The following CNTNAP2 variants were observed in gnomAD, a reference collection of about 807,000 sequenced individuals.
CNTNAP2 encodes the protein contactin associated protein 2, also known as contactin-associated protein-like 2.
Under a neutral mutation model 155.2 loss-of-function variants are expected in CNTNAP2, and 98 were observed. That is an observed-to-expected ratio of 0.63 (90% CI 0.54 to 0.75). The LOEUF (loss-of-function observed/expected upper bound fraction) is 0.75, where lower values mean the gene tolerates loss of function less well. Ranked by LOEUF, CNTNAP2 falls within the 30% of genes least tolerant of loss-of-function variation. The pLI, the probability that CNTNAP2 is intolerant of heterozygous loss-of-function variation, is 0.00. For synonymous variants in CNTNAP2, 651 were observed against 631.2 expected, an observed-to-expected ratio of 1.03 and a Z score of -0.47; for missense variants, 1,727 against 1,688.1, an observed-to-expected ratio of 1.02 and a Z score of -0.40.
chr7:147,350,101 T>C (rs995499368), intron 9 of CNTNAP2, among the ~76,000 whole-genome samples: 3 of 152,002 alleles, frequency 2.0e-5, no homozygotes, highest in African/African-American at 7.2e-5. Flanking sequence ...TTTGCCCTGA[T>C]TATAGATGTT....
At chr7:147,482,629 G>A (rs1798441345) in intron 10 of CNTNAP2, among the ~76,000 whole-genome samples, 2 of 152,050 alleles carry the variant, frequency 1.3e-5, no homozygotes, top group African/African-American at 4.8e-5. Flanking sequence ...GCTGAGGCAG[G>A]AGAATGGCGT....
intron 13 of CNTNAP2, among the ~76,000 whole-genome samples, chr7:147,784,488 T>G (rs1797704182): frequency 1.0e-5 from 1 of 99,082 alleles, no homozygotes; most frequent in Non-Finnish European, 2.2e-5. Context: ...TTCTGGGCTC[T>G]GGACTAATAT....
chr7:146,542,707 A>G (rs1164651174), intron 1 of CNTNAP2, among the ~76,000 whole-genome samples: 1 of 152,016 alleles, frequency 6.6e-6, no homozygotes, highest in Non-Finnish European at 1.5e-5. Context: ...AACTTAAAAT[A>G]CCAGGAAGAT....
intron 8 of CNTNAP2, among the ~76,000 whole-genome samples, chr7:147,274,664 A>C (rs1427977346): frequency 6.6e-6 from 1 of 151,804 alleles, no homozygotes; most frequent in Non-Finnish European, 1.5e-5. Context: ...GTGTGCAGAA[A>C]CTTTTTAGTT....
chr7:147,211,107 A>C (rs1287622295), intron 8 of CNTNAP2, among the ~76,000 whole-genome samples: 4 of 151,162 alleles, frequency 2.6e-5, no homozygotes, highest in African/African-American at 9.7e-5. Flanking sequence ...AATGTATTGT[A>C]TAGTTGATAG....
At chr7:146,340,647 A>C (rs1184561517) in intron 1 of CNTNAP2, among the ~76,000 whole-genome samples, 1 of 152,132 alleles carries the variant, frequency 6.6e-6, no homozygotes, top group East Asian at 1.9e-4. Context: ...GGTCTAGGTT[A>C]ACAAATGTTA....
intron 8 of CNTNAP2, among the ~76,000 whole-genome samples, chr7:147,191,045 GAGAA>G (rs1382393808): frequency 6.6e-6 from 1 of 152,092 alleles, no homozygotes; most frequent in Non-Finnish European, 1.5e-5. Context: ...TACTCTAAAT[GAGAA>G]AGAAAGAAAA....
chr7:146,736,832 T>TA (rs1261937628), intron 1 of CNTNAP2, among the ~76,000 whole-genome samples: 1 of 152,132 alleles, frequency 6.6e-6, no homozygotes, highest in Non-Finnish European at 1.5e-5. Context: ...CACAGAAAAG[T>TA]AAAAAAGTAA....
intron 21 of CNTNAP2, among the ~76,000 whole-genome samples, chr7:148,323,772 T>C (rs1797840901): frequency 6.6e-6 from 1 of 152,120 alleles, no homozygotes; most frequent in African/African-American, 2.4e-5. Flanking sequence ...CCACTGGAAC[T>C]GTGAAGAGGG....
At chr7:146,500,695 AT>A (rs1797288085) in intron 1 of CNTNAP2, among the ~76,000 whole-genome samples, 1 of 152,074 alleles carries the variant, frequency 6.6e-6, no homozygotes, top group African/African-American at 2.4e-5. Flanking sequence ...CTTCCTTCTA[AT>A]TTCGGTACCT....
intron 17 of CNTNAP2, among the ~76,000 whole-genome samples, chr7:148,170,161 T>TTC (rs1363138012): frequency 2.0e-5 from 3 of 152,248 alleles, no homozygotes; most frequent in Admixed American, 2.0e-4. Context: ...AGTATGTTTA[T>TTC]AGTGACCACA....
intron 8 of CNTNAP2, among the ~76,000 whole-genome samples, chr7:147,208,569 T>A (rs1803069546): frequency 6.6e-6 from 1 of 152,020 alleles, no homozygotes. Flanking sequence ...CCTAGCTTAA[T>A]GAAGATTGAA....
intron 13 of CNTNAP2, among the ~76,000 whole-genome samples, chr7:147,667,091 C>A (rs77574786): frequency 0.04 from 6,142 of 152,208 alleles, 137 homozygotes; most frequent in Middle Eastern, 0.13. Context: ...GACCCAACTA[C>A]AATGTTGAAT....
intron 8 of CNTNAP2, among the ~76,000 whole-genome samples, chr7:147,184,671 C>A (rs1402723675): frequency 6.6e-6 from 1 of 150,710 alleles, no homozygotes; most frequent in Non-Finnish European, 1.5e-5. Context: ...TGTGAGTCAG[C>A]ACATTAATTG....
At chr7:146,798,741 T>G (rs1802815838) in intron 2 of CNTNAP2, among the ~76,000 whole-genome samples, 1 of 152,198 alleles carries the variant, frequency 6.6e-6, no homozygotes, top group South Asian at 2.1e-4. Flanking sequence ...ATTTACATTT[T>G]ATGGGCAGAT....
At chr7:148,178,875 T>G (rs1347379068) in intron 18 of CNTNAP2, among the ~76,000 whole-genome samples, 1 of 152,242 alleles carries the variant, frequency 6.6e-6, no homozygotes, top group Non-Finnish European at 1.5e-5. Context: ...TGTCCTTTAA[T>G]CCTTCCCTAA....
At chr7:148,149,093 C>T (rs772814447) in intron 17 of CNTNAP2, among the ~76,000 whole-genome samples, 1 of 152,192 alleles carries the variant, frequency 6.6e-6, no homozygotes. Flanking sequence ...TCTGAACATG[C>T]TGGGTAGATT....
At chr7:148,193,017 T>C (rs1795225113) in intron 18 of CNTNAP2, among the ~76,000 whole-genome samples, 1 of 152,232 alleles carries the variant, frequency 6.6e-6, no homozygotes, top group Non-Finnish European at 1.5e-5. Context: ...ATTTGTTCTC[T>C]TTTTAAAAAA....
At chr7:147,842,787 CTG>C (rs2116655612) in intron 13 of CNTNAP2, among the ~76,000 whole-genome samples, 1 of 75,082 alleles carries the variant, frequency 1.3e-5, no homozygotes, top group South Asian at 5.3e-4. Context: ...ATTCCCCTTC[CTG>C]TGTCCATGTG....
Sources: allele counts gnomAD v4.1 joint callset (sites outside exome capture counted in the v4.1 genomes callset), GRCh38; gene constraint gnomAD v4.1.1; transcripts MANE v1.5; gene names NCBI Gene and HGNC (gene_info 2026-07-23, HGNC 2026-07-21).